Variants in SUGCT observed in about 807,000 individuals in gnomAD.
SUGCT encodes the protein succinyl-CoA:glutarate CoA-transferase.
A neutral mutation model predicts 55.0 loss-of-function variants in SUGCT; 41 were observed. The ratio of observed to expected loss-of-function variants is 0.74; its 90% CI spans 0.58 to 0.97. SUGCT has a LOEUF of 0.97. SUGCT is among the 50% of genes least tolerant of loss of function. The pLI is 0.00. For synonymous variants in SUGCT, 187 were observed against 200.4 expected (o/e 0.93, Z 0.56); for missense variants, 568 against 547.8 (o/e 1.04, Z -0.37).
intron 13 of SUGCT, among the ~76,000 whole-genome samples, chr7:40,772,542 CTATCTATCTATCTATCTA>C (rs1562994087): frequency 1.3e-3 from 194 of 149,708 alleles, no homozygotes; most frequent in Non-Finnish European, 1.7e-3. Context: ...ATCTATCTAT[CTATCTATCTATCTATCTA>C]TCTGGTGTTA....
At chr7:40,183,504 T>C (rs1785333165) in intron 3 of SUGCT, among the ~76,000 whole-genome samples, 1 of 152,100 alleles carries the variant, frequency 6.6e-6, no homozygotes, top group East Asian at 1.9e-4. Context: ...CATGCCCAGC[T>C]ATAATAATAA....
chr7:40,426,323 T>C (rs897110537), intron 9 of SUGCT, among the ~76,000 whole-genome samples: 1 of 152,182 alleles, frequency 6.6e-6, no homozygotes, highest in African/African-American at 2.4e-5. Context: ...ATTTATGGTA[T>C]ATGCGTGTCA....
chr7:40,427,387 G>C (rs1787640547), intron 9 of SUGCT, among the ~76,000 whole-genome samples: 1 of 152,120 alleles, frequency 6.6e-6, no homozygotes, highest in African/African-American at 2.4e-5. Flanking sequence ...TGGCAGTACT[G>C]GGATTCAGAC....
chr7:40,454,222 G>A (rs1026835965), intron 10 of SUGCT, among the ~76,000 whole-genome samples: 1 of 152,202 alleles, frequency 6.6e-6, no homozygotes, highest in Admixed American at 6.5e-5. Context: ...GTCCCAGAAT[G>A]AGGGGAGAAA....
At chr7:40,665,153 G>C (rs1801550503) in intron 12 of SUGCT, among the ~76,000 whole-genome samples, 1 of 151,646 alleles carries the variant, frequency 6.6e-6, no homozygotes, top group South Asian at 2.1e-4. Context: ...ACAAGTACCG[G>C]CCAGGCTGGA....
chr7:40,901,526 C>T, the SUGCT span, among the ~76,000 whole-genome samples: 1 of 152,086 alleles, frequency 6.6e-6, no homozygotes, highest in Non-Finnish European at 1.5e-5. Flanking sequence ...GAAGGTCATC[C>T]CCAAGGCGTT....
intron 9 of SUGCT, among the ~76,000 whole-genome samples, chr7:40,379,748 CTT>C (rs1180941594): frequency 6.6e-6 from 1 of 152,174 alleles, no homozygotes; most frequent in African/African-American, 2.4e-5. Context: ...GTCTTTACCT[CTT>C]TATTGCACAG....
intron 12 of SUGCT, among the ~76,000 whole-genome samples, chr7:40,533,086 A>T (rs577639435): frequency 1.3e-5 from 2 of 152,318 alleles, no homozygotes; most frequent in South Asian, 4.1e-4. Context: ...CTAAAGTAAT[A>T]TGCCCTGTAA....
At chr7:40,435,218 A>C (rs1583669145) in intron 9 of SUGCT, among the ~76,000 whole-genome samples, 1 of 152,224 alleles carries the variant, frequency 6.6e-6, no homozygotes, top group South Asian at 2.1e-4. Context: ...GTATCTAATA[A>C]GAAGGACTGA....
At chr7:40,390,646 A>G (rs554441556) in intron 9 of SUGCT, among the ~76,000 whole-genome samples, 2 of 152,300 alleles carry the variant, frequency 1.3e-5, no homozygotes, top group South Asian at 2.1e-4. Context: ...ACACAAACAA[A>G]TGGAAGAACT....
At chr7:40,485,285 A>G (rs2151495448) in intron 11 of SUGCT, among the ~76,000 whole-genome samples, 1 of 152,012 alleles carries the variant, frequency 6.6e-6, no homozygotes, top group African/African-American at 2.4e-5. Context: ...ATTTCCTATT[A>G]TTAGTAATAT....
At chr7:41,016,892 G>C in the SUGCT span, among the ~76,000 whole-genome samples, 1 of 152,190 alleles carries the variant, frequency 6.6e-6, no homozygotes, top group Non-Finnish European at 1.5e-5. Flanking sequence ...CCCAAAAGTG[G>C]AAATCAGGTT....
chr7:40,239,930 A>C (rs1223280782), intron 7 of SUGCT, among the ~76,000 whole-genome samples: 2 of 152,162 alleles, frequency 1.3e-5, no homozygotes, highest in South Asian at 2.1e-4. Context: ...TCTGTTTCCT[A>C]CTGTACGGTG....
chr7:40,275,940 G>T (rs1370035033), intron 8 of SUGCT, among the ~76,000 whole-genome samples: 1 of 152,168 alleles, frequency 6.6e-6, no homozygotes, highest in Non-Finnish European at 1.5e-5. Flanking sequence ...TATCTGATTT[G>T]TGCAAGGAGA....
intron 1 of SUGCT, among the ~76,000 whole-genome samples, chr7:40,136,181 T>C (rs942035212): frequency 1.3e-5 from 2 of 151,096 alleles, no homozygotes; most frequent in Non-Finnish European, 2.9e-5. Flanking sequence ...GTATTTTTAG[T>C]AAAGACGGGT....
intron 13 of SUGCT, among the ~76,000 whole-genome samples, chr7:40,836,555 C>G (rs947050348): frequency 6.6e-6 from 1 of 152,166 alleles, no homozygotes; most frequent in Non-Finnish European, 1.5e-5. Flanking sequence ...ATGTATAGAA[C>G]GATTCCATCA....
At chr7:40,792,703 AGT>A (rs1447637573) in intron 13 of SUGCT, among the ~76,000 whole-genome samples, 1 of 152,150 alleles carries the variant, frequency 6.6e-6, no homozygotes, top group African/African-American at 2.4e-5. Context: ...ATGTGACAGC[AGT>A]ATACATTAAG....
At chr7:40,300,190 C>T (rs113915180) in intron 8 of SUGCT, among the ~76,000 whole-genome samples, 36 of 152,168 alleles carry the variant, frequency 2.4e-4, no homozygotes, top group Non-Finnish European at 1.3e-4. Flanking sequence ...GCACTTTTTA[C>T]GATGTTACCC....
At chr7:40,756,172 AC>A (rs1191999873) in intron 13 of SUGCT, among the ~76,000 whole-genome samples, 1 of 152,176 alleles carries the variant, frequency 6.6e-6, no homozygotes, top group Non-Finnish European at 1.5e-5. Flanking sequence ...TGGGTTTGAG[AC>A]AGTATACCTT....
Sources: allele counts gnomAD v4.1 joint callset (sites outside exome capture counted in the v4.1 genomes callset), GRCh38; gene constraint gnomAD v4.1.1; transcripts MANE v1.5; gene names NCBI Gene and HGNC (gene_info 2026-07-23, HGNC 2026-07-21).